Variants in ZFR2 observed in about 807,000 individuals in gnomAD.
The protein encoded by ZFR2 is zinc finger RNA binding protein 2.
Under a neutral mutation model 105.7 loss-of-function variants are expected in ZFR2, and 104 were observed. That is an observed-to-expected ratio of 0.98 (90% CI 0.84 to 1.16). The LOEUF is 1.16. ZFR2 is among the 50% of genes most tolerant of loss of function. The probability of loss-of-function intolerance (pLI) is 0.00; values close to 1 mark genes in which losing one functional copy is unlikely to be tolerated. For missense variants in ZFR2, 1,425 were observed against 1,355.5 expected, an observed-to-expected ratio of 1.05 and a Z score of -0.80; for synonymous variants, 634 against 597.7, an observed-to-expected ratio of 1.06 and a Z score of -0.89.
intron 5 of ZFR2, among the ~76,000 whole-genome samples, chr19:3,828,210 T>C (rs1179268934): frequency 1.3e-5 from 2 of 150,804 alleles, no homozygotes; most frequent in Non-Finnish European, 1.5e-5. Flanking sequence ...AGTGGCGTGA[T>C]CTCAGCTCAC....
intron 5 of ZFR2, among the ~76,000 whole-genome samples, chr19:3,830,142 A>T (rs948321671): frequency 3.0e-4 from 39 of 129,594 alleles, no homozygotes; most frequent in Admixed American, 1.9e-3. Flanking sequence ...TCTACAAAAA[A>T]ATTTTTTTTT....
chr19:3,833,675 G>C lies in ZFR2; in HGVS notation c.368C>G (p.Ser123Cys). The C allele has an allele frequency of 6.4e-7, 1 of 1,561,742 alleles. No homozygotes were observed. The highest frequency in any genetic ancestry group is 8.7e-7 in the Non-Finnish European group (1 of 1,152,802). ...TGCAGATGGCTCACCTGGCTGGCCG[G>C]AGTCTGCGGCTGTCATGCGCCCAGA... is the stretch of plus-strand genomic sequence containing the variant. Reference protein sequence around the residue: ...LQSGRMTAADSGQPGTQEACG... With the variant: ...LQSGRMTAADCGQPGTQEACG... The change falls in exon 3 of 19, where the codon TCC becomes TGC. Residue 123 changes from serine to cysteine, a missense_variant. Physicochemically the swap from Ser to Cys is moderately radical, Grantham distance 112. Transcript: ENST00000262961.
Position 3,804,109 on chromosome 19 carries a change from C to T in ZFR2, c.*1840G>A, listed in dbSNP as rs1001557896. The T allele has an allele frequency of 7.2e-5, 11 of 152,268 alleles. No homozygotes were observed. The highest frequency in any genetic ancestry group is 2.7e-4 in the African/African-American group (11 of 41,436). The allele number at this position is 152,268 out of a possible 1,614,324, so 9.4% of individuals were successfully genotyped here. A position where few individuals can be genotyped will look rare whatever the true frequency, so the allele number is the denominator to read the frequency against. On this transcript the variant is annotated 3_prime_UTR_variant, in exon 19 of 19. Transcript: ENST00000262961. Reference sequence around the variant, plus strand: ...TCAGACAGAGCCACATGCAGGCTGTCCTTCAAACACAGAGAAACAAAACTG... The same window carrying T: ...TCAGACAGAGCCACATGCAGGCTGTTCTTCAAACACAGAGAAACAAAACTG...
At chr19:3,853,893 G>A (rs2038269001) in intron 1 of ZFR2, among the ~76,000 whole-genome samples, 1 of 151,888 alleles carries the variant, frequency 6.6e-6, no homozygotes, top group Admixed American at 6.6e-5. Context: ...GGGCAACACA[G>A]TGAGACCCCC....
intron 10 of ZFR2, among the ~76,000 whole-genome samples, chr19:3,820,630 AGG>A (rs1266344106): frequency 6.6e-6 from 1 of 152,076 alleles, no homozygotes; most frequent in Non-Finnish European, 1.5e-5. Context: ...GGATGGACAC[AGG>A]GGACACTGGG....
intron 1 of ZFR2, among the ~76,000 whole-genome samples, chr19:3,868,193 TTC>T (rs1403391114): frequency 1.3e-5 from 2 of 149,890 alleles, no homozygotes; most frequent in African/African-American, 5.0e-5. Flanking sequence ...GGTTTCTGTC[TTC>T]TCTCTTACCC....
chr19:3,807,265 C>T lies in ZFR2; in HGVS notation c.2550G>A (p.Gly850=). 10 of 1,554,766 alleles carry T rather than the reference C, an allele frequency of 6.4e-6. No individual in the cohort carries two copies. The highest frequency in any genetic ancestry group is 8.7e-6 in the Non-Finnish European group (10 of 1,148,488). ...TCTCGCAGGGATCCTGGAGCCCGGG[C>T]CCGTCTTTGTGACGGGGAGTGGGAA... The part of the protein sequence containing the change: ...CVATGTLLTD[G]PGLQDPCERD... Residue 850 remains glycine (G), a synonymous_variant, in exon 18 of 19, where the codon GGG becomes GGA. Transcript: ENST00000262961.
rs1245119233 is a variant in ZFR2, at chr19:3,831,970, C to T, written c.380-92G>A. The T allele has an allele frequency of 1.1e-5, 12 of 1,119,276 alleles. No individual in the cohort carries two copies. In the Admixed American group the frequency reaches 1.2e-4, roughly 11 times the overall value. The allele number at this position is 1,119,276 out of a possible 1,614,324, so 69.3% of individuals were successfully genotyped here. A position where few individuals can be genotyped will look rare whatever the true frequency, so the allele number is the denominator to read the frequency against. On this transcript the variant is annotated intron_variant, in intron 3 of 18. Coordinates refer to ENST00000262961, the MANE Select transcript of ZFR2 (RefSeq NM_015174.2). ...GCCCTGGACTCAACTGGCTGGAACA[C>T]GCTAGATGCTTAAGCCAGGACCAGA... is the stretch of plus-strand genomic sequence containing the variant.
At chr19:3,860,165 GAAC>G (rs1362500807) in intron 1 of ZFR2, among the ~76,000 whole-genome samples, 3 of 151,206 alleles carry the variant, frequency 2.0e-5, no homozygotes, top group Non-Finnish European at 4.4e-5. Context: ...CAAGTAGCTG[GAAC>G]TACAGGTGTG....
chr19:3,863,042 T>G, intron 1 of ZFR2, among the ~76,000 whole-genome samples: 1 of 152,134 alleles, frequency 6.6e-6, no homozygotes, highest in East Asian at 1.9e-4. Context: ...GGTGGCGACA[T>G]CGGACTCTCC....
chr19:3,863,260 C>T (rs988074224), intron 1 of ZFR2, among the ~76,000 whole-genome samples: 2 of 152,180 alleles, frequency 1.3e-5, no homozygotes, highest in Non-Finnish European at 2.9e-5. Context: ...GTCACTGGCA[C>T]TGGGGCTGCC....
intron 1 of ZFR2, among the ~76,000 whole-genome samples, chr19:3,836,078 G>A (rs1371815272): frequency 6.6e-6 from 1 of 152,144 alleles, no homozygotes; most frequent in Non-Finnish European, 1.5e-5. Flanking sequence ...TATAGTGTTT[G>A]CATATAACCT....
rs1257033815 is a variant in ZFR2, at chr19:3,823,156, G to T, written c.1371+90C>A. On this transcript the variant is annotated intron_variant, in intron 8 of 18. Coordinates refer to ENST00000262961, the MANE Select transcript of ZFR2 (RefSeq NM_015174.2). This position sits in a 1 kb window ranked among gnomAD's most constrained non-coding sequence, Gnocchi z 5.4. ...GAACGGGGATGGGTCTGTAAATCTCGCTGGGAGAAGCCGGGTGAGGTCTCG... is the reference window on the plus strand; with the variant it reads ...GAACGGGGATGGGTCTGTAAATCTCTCTGGGAGAAGCCGGGTGAGGTCTCG... 1.9e-6 allele frequency: 3 copies of T among 1,577,004 alleles called. No individual in the cohort carries two copies. The highest frequency in any genetic ancestry group is 1.1e-5 in the South Asian group (1 of 89,270).
intron 11 of ZFR2, among the ~76,000 whole-genome samples, 167 bp downstream of exon 11, chr19:3,820,015 G>GA (rs1257014015): frequency 6.6e-6 from 1 of 152,190 alleles, no homozygotes; most frequent in Non-Finnish European, 1.5e-5. Flanking sequence ...GCAGGGGCTG[G>GA]GGTGCTGGGG....
chr19:3,829,793 C>A (rs374765422), intron 5 of ZFR2, among the ~76,000 whole-genome samples: 2 of 152,210 alleles, frequency 1.3e-5, no homozygotes, highest in East Asian at 1.9e-4. Context: ...GGATTACAGG[C>A]ATGAGGCACT....
rs1345729589 is a variant in ZFR2, at chr19:3,833,685, C to T, written c.358G>A (p.Ala120Thr). The T allele has an allele frequency of 9.6e-6, 15 of 1,567,240 alleles. No homozygotes were observed. Among genetic ancestry groups the T allele is most frequent in the Non-Finnish European group, 1.3e-5 (15 of 1,156,080 alleles). ...TCACCTGGCTGGCCGGAGTCTGCGG[C>T]TGTCATGCGCCCAGACTGGAGGGCA... is the stretch of plus-strand genomic sequence containing the variant. ...SAALQSGRMT[A>T]ADSGQPGTQE... is the part of the protein sequence containing the mutation. Residue 120 changes from alanine (A) to threonine (T), a missense_variant, in exon 3 of 19, where the codon GCC becomes ACC. Coordinates refer to ENST00000262961, the MANE Select transcript of ZFR2 (RefSeq NM_015174.2).
intron 13 of ZFR2, 79 bp downstream of exon 13, chr19:3,816,595 T>G: frequency 6.6e-7 from 1 of 1,506,972 alleles, no homozygotes; most frequent in Non-Finnish European, 8.9e-7. Flanking sequence ...TCCCCTGCCA[T>G]CTAGGAGCGC....
At chr19:3,841,230 C>T (rs1294464086) in intron 1 of ZFR2, among the ~76,000 whole-genome samples, 5 of 152,232 alleles carry the variant, frequency 3.3e-5, no homozygotes, top group Non-Finnish European at 7.3e-5. Context: ...CCTTCGCAAA[C>T]CCTCCTGTTG....
At chr19:3,840,067 G>C (rs1259010741) in intron 1 of ZFR2, among the ~76,000 whole-genome samples, 1 of 152,106 alleles carries the variant, frequency 6.6e-6, no homozygotes, top group Non-Finnish European at 1.5e-5. Context: ...GGCAAACCTT[G>C]TCTGAAATGT....
Sources: allele counts gnomAD v4.1 joint callset (sites outside exome capture counted in the v4.1 genomes callset), GRCh38; gene constraint gnomAD v4.1.1; non-coding constraint Gnocchi (gnomAD v3.1); transcripts MANE v1.5; gene names NCBI Gene and HGNC (gene_info 2026-07-23, HGNC 2026-07-21).